The following SERINC1 variants were observed in gnomAD, a reference collection of about 807,000 sequenced individuals.
SERINC1 encodes the protein tumor differentially expressed protein 2.
A neutral mutation model predicts 52.9 loss-of-function variants in SERINC1; 38 were observed. The observed-to-expected ratio is 0.72, with a 90% CI of 0.55 to 0.94. SERINC1 has a LOEUF of 0.94. Among genes scored for constraint, SERINC1 ranks in the 40% least tolerant of loss-of-function variants. The pLI, the probability that SERINC1 is intolerant of heterozygous loss-of-function variation, is 0.00. For synonymous variants in SERINC1, 198 were observed against 183.1 expected (o/e 1.08, Z -0.66); for missense variants, 471 against 533.9 (o/e 0.88, Z 1.16).
intron 7 of SERINC1, among the ~76,000 whole-genome samples, chr6:122,448,566 T>C: frequency 6.6e-6 from 1 of 152,110 alleles, no homozygotes; most frequent in East Asian, 1.9e-4. Flanking sequence ...ATAAGATGCA[T>C]TACAAAGCCC....
chr6:122,452,057 G>C lies in SERINC1; in HGVS notation c.590C>G (p.Ala197Gly), dbSNP rs546586305. Residue 197 changes from alanine to glycine, a missense_variant and splice_region_variant, in exon 6 of 10, where the codon GCC becomes GGC. Physicochemically the swap from Ala to Gly is moderately conservative, Grantham distance 60 (BLOSUM62 0). Coordinates refer to ENST00000339697, the MANE Select transcript of SERINC1 (RefSeq NM_020755.4). ...EEGNSRCWYA[A>G]LLSATALNYL... ...ATTCAGAGCTGTAGCTGATAACAAG[G>C]CTGTGAAAGAAATATAATTGGATAA... 2.5e-5 allele frequency: 38 copies of C among 1,497,400 alleles called. No individual in the cohort carries two copies. The highest frequency in any genetic ancestry group is 1.9e-4 in the South Asian group (14 of 73,778). 92.8% of individuals were successfully genotyped at this position (1,497,400 alleles called of 1,614,324 possible).
At chr6:122,465,894 A>T (rs1036335182) in intron 1 of SERINC1, among the ~76,000 whole-genome samples, 3 of 152,098 alleles carry the variant, frequency 2.0e-5, no homozygotes, top group Non-Finnish European at 2.9e-5. Context: ...AGATTTTTTT[A>T]AAAAGGGAGA....
rs1554211250 is a variant in SERINC1, at chr6:122,451,776, A to ATATATATAT, written c.760-23_760-22insATATATATA. The ATATATATAT allele has an allele frequency of 3.8e-3, 429 of 112,788 alleles. 2 individuals are homozygous for ATATATATAT. Among genetic ancestry groups the ATATATATAT allele is most frequent in the South Asian group, 8.9e-3 (14 of 1,576 alleles). 7.0% of individuals were successfully genotyped at this position (112,788 alleles called of 1,614,324 possible). A position where few individuals can be genotyped will look rare whatever the true frequency, so the allele number is the denominator to read the frequency against. ...ATTCCTACAAAAAAAAAAAAAAAAA[A>ATATATATAT]ATATATATATATATATATAGCAACA... On this transcript the variant is annotated intron_variant, in intron 6 of 9. Coordinates refer to ENST00000339697, the MANE Select transcript of SERINC1 (RefSeq NM_020755.4).
Position 122,452,010 on chromosome 6 carries a change from T to A in SERINC1, c.637A>T (p.Ile213Phe). ...ALNYLLSLVA[I>F]VLFFVYYTHP... ...GTGTAGTAGACAAAGAACAGGACGA[T>A]AGCAACTAAAGACAGCAGATAATTC... Residue 213 changes from isoleucine to phenylalanine, a missense_variant, in exon 6 of 10, where the codon ATC (isoleucine) becomes TTC (phenylalanine). By Grantham distance (21) the Ile-to-Phe change is conservative. Transcript: ENST00000339697. The A allele has an allele frequency of 6.3e-7, 1 of 1,584,712 alleles. No individual in the cohort carries two copies. Among genetic ancestry groups the A allele is most frequent in the Non-Finnish European group, 8.6e-7 (1 of 1,166,634 alleles).
intron 1 of SERINC1, among the ~76,000 whole-genome samples, chr6:122,465,105 T>G (rs1775165397): frequency 6.6e-6 from 1 of 152,186 alleles, no homozygotes. Flanking sequence ...TTCTTTTGTT[T>G]TGTTCTTCCC....
At chr6:122,461,014 A>G (rs978073738) in intron 1 of SERINC1, among the ~76,000 whole-genome samples, 3 of 152,156 alleles carry the variant, frequency 2.0e-5, no homozygotes, top group Non-Finnish European at 4.4e-5. Context: ...TCCAAAATGA[A>G]AGAGAGATAA....
At chr6:122,460,109 C>T (rs1400779997) in intron 1 of SERINC1, among the ~76,000 whole-genome samples, 1 of 152,132 alleles carries the variant, frequency 6.6e-6, no homozygotes, top group Admixed American at 6.5e-5. Context: ...TTCTGTCACC[C>T]AGGCTGGAGT....
chr6:122,449,761 A>G, intron 7 of SERINC1, among the ~76,000 whole-genome samples: 1 of 152,248 alleles, frequency 6.6e-6, no homozygotes, highest in East Asian at 1.9e-4. Context: ...TCACGCCTGT[A>G]AGTTCAGCAC....
At chr6:122,457,044 C>T (rs934074145) in intron 2 of SERINC1, among the ~76,000 whole-genome samples, 2 of 151,960 alleles carry the variant, frequency 1.3e-5, no homozygotes, top group African/African-American at 4.8e-5. Flanking sequence ...TAAATTATTT[C>T]CTCCCACTCT....
At chr6:122,457,613 G>C (rs1044486199) in intron 2 of SERINC1, among the ~76,000 whole-genome samples, 1 of 152,084 alleles carries the variant, frequency 6.6e-6, no homozygotes, top group Admixed American at 6.6e-5. Flanking sequence ...ACAGAAGAGA[G>C]CTGCTGCTTT....
At chr6:122,448,045 T>C (rs1292341251) in intron 7 of SERINC1, among the ~76,000 whole-genome samples, 2 of 151,504 alleles carry the variant, frequency 1.3e-5, no homozygotes, top group Non-Finnish European at 2.9e-5. Flanking sequence ...CGGGAGGCGG[T>C]TGCAGTGAGC....
Position 122,456,559 on chromosome 6 carries a change from GCCAAA to G in SERINC1, c.288_292del (p.Leu97TyrfsTer16). ...TAAAGAGAGAAGAAGATAGAACATA[GCCAAA>G]CCAAAGCACAAACGATATACAGCTT... On this transcript the variant is annotated frameshift_variant, in exon 3 of 10. Transcript: ENST00000339697. LOFTEE classifies it high-confidence loss of function. 6.2e-7 allele frequency: 1 copy of G among 1,612,708 alleles called. No homozygotes were observed. The highest frequency in any genetic ancestry group is 8.5e-7 in the Non-Finnish European group (1 of 1,179,164).
At chr6:122,470,563 A>G (rs1054190216) in intron 1 of SERINC1, among the ~76,000 whole-genome samples, 1 of 152,202 alleles carries the variant, frequency 6.6e-6, no homozygotes, top group African/African-American at 2.4e-5. Context: ...AAACTCTCTA[A>G]TATCTTGAGA....
rs1774731187 is a variant in SERINC1, at chr6:122,444,587, C to A, written c.*457G>T. 6.5e-6 allele frequency: 1 copy of A among 154,712 alleles called. No individual in the cohort carries two copies. The highest frequency in any genetic ancestry group is 2.0e-4 in the South Asian group (1 of 5,042). The allele number at this position is 154,712 out of a possible 1,614,324, so 9.6% of individuals were successfully genotyped here. ...GTAAAACCTTATAAGATTTTTCAGA[C>A]AACTGGCATTTAAGTGACTTGTTTA... On this transcript the variant is annotated 3_prime_UTR_variant, in exon 10 of 10. Coordinates refer to ENST00000339697, the MANE Select transcript of SERINC1 (RefSeq NM_020755.4).
intron 7 of SERINC1, among the ~76,000 whole-genome samples, chr6:122,449,274 T>G (rs1033199340): frequency 6.6e-6 from 1 of 152,228 alleles, no homozygotes; most frequent in African/African-American, 2.4e-5. Context: ...TAAGAAAGCA[T>G]GCCAAAAGCT....
At chr6:122,455,989 C>T (rs765042808) in intron 3 of SERINC1, among the ~76,000 whole-genome samples, 1 of 152,110 alleles carries the variant, frequency 6.6e-6, no homozygotes, top group Non-Finnish European at 1.5e-5. Context: ...TTTGGTAGCA[C>T]ATATAACTAG....
intron 5 of SERINC1, 34 bp from the exon 6 acceptor site, chr6:122,452,091 T>G: frequency 1.5e-6 from 2 of 1,317,972 alleles, no homozygotes; most frequent in Non-Finnish European, 2.0e-6. Flanking sequence ...AATTAGCTTT[T>G]TATCAGAAAT....
At chr6:122,463,179 G>T (rs1775135396) in intron 1 of SERINC1, among the ~76,000 whole-genome samples, 1 of 152,120 alleles carries the variant, frequency 6.6e-6, no homozygotes, top group Non-Finnish European at 1.5e-5. Context: ...TTTTGACAAA[G>T]ATACCAAAGC....
rs200560748 is a variant in SERINC1 at position 122,458,649 on chromosome 6, C to G, written c.72G>C (p.Leu24Phe). 1 of 1,608,130 alleles carries G rather than the reference C, an allele frequency of 6.2e-7. No homozygotes were observed. Among genetic ancestry groups the G allele is most frequent in the East Asian group, 2.2e-5 (1 of 44,770 alleles). ...TTCCACTAGGACAGCATCGGCATAGCAAACACGGGGCACTTCCACACAAAC... is the reference window on the plus strand; with the variant it reads ...TTCCACTAGGACAGCATCGGCATAGGAAACACGGGGCACTTCCACACAAAC... ...IPCLCGSAPC[L>F]LCRCCPSGNN... The change falls in exon 2 of 10, where the codon TTG becomes TTC. Residue 24 changes from leucine (L) to phenylalanine (F), a missense_variant. Physicochemically the swap from Leu to Phe is conservative, Grantham distance 22. Coordinates refer to ENST00000339697, the MANE Select transcript of SERINC1 (RefSeq NM_020755.4).
Sources: allele counts gnomAD v4.1 joint callset (sites outside exome capture counted in the v4.1 genomes callset), GRCh38; gene constraint gnomAD v4.1.1; transcripts MANE v1.5; gene names NCBI Gene and HGNC (gene_info 2026-07-23, HGNC 2026-07-21).